MCUB: variants seen among roughly 807,000 people sequenced by gnomAD.
The protein encoded by MCUB is calcium uniporter regulatory subunit MCUb, mitochondrial.
In MCUB, 46 loss-of-function variants were observed where a neutral mutation model predicts 41.4. That is an observed-to-expected ratio of 1.11 (90% CI 0.88 to 1.42). MCUB has a LOEUF of 1.42. Ranked by LOEUF, MCUB falls within the 40% of genes most tolerant of loss-of-function variation. The probability of loss-of-function intolerance (pLI) is 0.00; values close to 1 mark genes in which losing one functional copy is unlikely to be tolerated. For missense variants in MCUB, 403 were observed against 404.9 expected, an observed-to-expected ratio of 1.00 and a Z score of 0.04; for synonymous variants, 148 against 148.2, an observed-to-expected ratio of 1.00 and a Z score of 0.01.
intron 1 of MCUB, among the ~76,000 whole-genome samples, chr4:109,657,300 TATG>T: frequency 6.6e-6 from 1 of 152,170 alleles, no homozygotes; most frequent in South Asian, 2.1e-4. Context: ...ATTTATTGCC[TATG>T]TTGTGTTTAA....
At chr4:109,606,565 A>C (rs1435515144) in intron 1 of MCUB, among the ~76,000 whole-genome samples, 1 of 151,970 alleles carries the variant, frequency 6.6e-6, no homozygotes, top group Non-Finnish European at 1.5e-5. Flanking sequence ...AGGCTTGCAA[A>C]TACTATCTTA....
At chr4:109,668,382 G>A (rs1456064426) in intron 4 of MCUB, among the ~76,000 whole-genome samples, 1 of 152,016 alleles carries the variant, frequency 6.6e-6, no homozygotes, top group East Asian at 1.9e-4. Flanking sequence ...TTATTATTAT[G>A]TAATGTCTCT....
chr4:109,613,543 A>G (rs1728064747), intron 1 of MCUB, among the ~76,000 whole-genome samples: 1 of 152,184 alleles, frequency 6.6e-6, no homozygotes, highest in Non-Finnish European at 1.5e-5. Context: ...CCTCTTCAAC[A>G]TGGAAGCTTG....
intron 1 of MCUB, among the ~76,000 whole-genome samples, chr4:109,599,672 TA>T (rs1286286551): frequency 1.4e-5 from 2 of 147,234 alleles, no homozygotes; most frequent in African/African-American, 2.6e-5. Flanking sequence ...TGTTAATATT[TA>T]TTTATTTATT....
At chr4:109,640,326 A>G (rs1352810570) in intron 1 of MCUB, among the ~76,000 whole-genome samples, 1 of 152,236 alleles carries the variant, frequency 6.6e-6, no homozygotes, top group African/African-American at 2.4e-5. Context: ...GTATATGTGC[A>G]GGTCACAGGG....
At chr4:109,598,184 A>G (rs1305257736) in intron 1 of MCUB, among the ~76,000 whole-genome samples, 3 of 148,670 alleles carry the variant, frequency 2.0e-5, no homozygotes, top group Non-Finnish European at 4.5e-5. Context: ...CTCACTTCCC[A>G]GACGGGGTGG....
intron 1 of MCUB, among the ~76,000 whole-genome samples, chr4:109,618,997 A>ACCTACCTATCTACCTGCCTGCCT (rs1728189926): frequency 8.1e-6 from 1 of 122,788 alleles, no homozygotes; most frequent in Admixed American, 8.1e-5. Context: ...TCTACCTACC[A>ACCTACCTATCTACCTGCCTGCCT]ACCTACCTAC....
At chr4:109,561,909 C>A (rs1420963833) in intron 1 of MCUB, among the ~76,000 whole-genome samples, 1 of 152,070 alleles carries the variant, frequency 6.6e-6, no homozygotes, top group African/African-American at 2.4e-5. Context: ...CCACCGCACC[C>A]GGCTAATTTT....
chr4:109,678,351 C>G (rs1248968691), intron 4 of MCUB, among the ~76,000 whole-genome samples: 4 of 152,222 alleles, frequency 2.6e-5, no homozygotes, highest in Non-Finnish European at 5.9e-5. Flanking sequence ...GTTGGGTACA[C>G]CTCCCAGGTG....
At chr4:109,678,010 G>A (rs970044833) in intron 4 of MCUB, among the ~76,000 whole-genome samples, 1 of 151,634 alleles carries the variant, frequency 6.6e-6, no homozygotes, top group African/African-American at 2.4e-5. Flanking sequence ...TTAGGGAGTG[G>A]TGATGACTCT....
In MCUB at chr4:109,607,786, G is replaced by T. The variant is rs557354293; in HGVS notation, c.99+47350G>T. Among the ~76,000 whole-genome samples, 7 of 152,200 alleles carry T rather than the reference G, an allele frequency of 4.6e-5. No individual in the cohort carries two copies. The South Asian group carries it at 1.0e-3, about 23-fold the overall frequency. On this transcript the variant is annotated intron_variant, in intron 1 of 7. Coordinates refer to ENST00000394650, the MANE Select transcript of MCUB (RefSeq NM_017918.5). The stretch of plus-strand genomic sequence containing the variant: ...ATTGGAACTCTATTGTATGTTATTT[G>T]TTTCTTTTCTCTTGCTGCTTTTAGG...
chr4:109,612,864 T>G (rs1315462365), intron 1 of MCUB, among the ~76,000 whole-genome samples: 1 of 152,040 alleles, frequency 6.6e-6, no homozygotes, highest in African/African-American at 2.4e-5. Context: ...CCCAGCACTT[T>G]GGGAGGCCAA....
intron 1 of MCUB, among the ~76,000 whole-genome samples, chr4:109,610,237 A>C (rs1184126367): frequency 3.3e-5 from 5 of 152,206 alleles, no homozygotes; most frequent in Admixed American, 2.6e-4. Context: ...CTGGAATGGC[A>C]GACCCCAAGA....
At chr4:109,667,955 T>C (rs1258161520) in intron 4 of MCUB, among the ~76,000 whole-genome samples, 1 of 152,068 alleles carries the variant, frequency 6.6e-6, no homozygotes, top group South Asian at 2.1e-4. Context: ...ATTTTCCAGC[T>C]ATCTTTGGGT....
chr4:109,636,754 G>A (rs1250001076), intron 1 of MCUB, among the ~76,000 whole-genome samples: 1 of 152,202 alleles, frequency 6.6e-6, no homozygotes, highest in Non-Finnish European at 1.5e-5. Context: ...AGAATCGCTT[G>A]AACCTGGGAG....
intron 4 of MCUB, among the ~76,000 whole-genome samples, chr4:109,672,963 A>T (rs190968205): frequency 6.6e-6 from 1 of 152,376 alleles, no homozygotes; most frequent in African/African-American, 2.4e-5. Flanking sequence ...ATAATTTTTT[A>T]AAATTTTAAT....
At chr4:109,661,754 C>T (rs528326265) in intron 3 of MCUB, among the ~76,000 whole-genome samples, 2 of 152,094 alleles carry the variant, frequency 1.3e-5, no homozygotes, top group East Asian at 1.9e-4. Context: ...AGCTCTGGGC[C>T]GCATGCGGTG....
chr4:109,562,594 A>AT (rs1287298850), intron 1 of MCUB, among the ~76,000 whole-genome samples: 3 of 152,054 alleles, frequency 2.0e-5, no homozygotes, highest in African/African-American at 4.8e-5. Context: ...GGCAAGTATT[A>AT]TTTCTATTTA....
Position 109,661,545 on chromosome 4 carries a change from A to G in MCUB, c.346+1180A>G, listed in dbSNP as rs530055673. 1.8e-4 allele frequency among the ~76,000 whole-genome samples: 27 copies of G among 152,330 alleles called. No homozygotes were observed. The South Asian group carries it at 4.8e-3, about 27-fold the overall frequency. On this transcript the variant is annotated intron_variant, in intron 3 of 7. Transcript: ENST00000394650. ...GGTAGTGCAGAGAACAAAAGGGATA[A>G]AAACTCCTGCCCTTATGGAGCTTAT...
Sources: allele counts gnomAD v4.1 joint callset (sites outside exome capture counted in the v4.1 genomes callset), GRCh38; gene constraint gnomAD v4.1.1; transcripts MANE v1.5; gene names NCBI Gene and HGNC (gene_info 2026-07-23, HGNC 2026-07-21).